The following HEG1 variants were observed in gnomAD, a reference collection of about 807,000 sequenced individuals.
HEG1 encodes the protein heart development protein with EGF like domains 1.
HEG1 carries 56 observed loss-of-function variants against 125.6 expected under a neutral mutation model. The ratio of observed to expected loss-of-function variants is 0.45; its 90% CI spans 0.36 to 0.56. The LOEUF is 0.56. HEG1 is among the 20% of genes least tolerant of loss of function. The pLI, the probability that HEG1 is intolerant of heterozygous loss-of-function variation, is 0.00. For synonymous variants in HEG1, 644 were observed against 668.5 expected (o/e 0.96, Z 0.57); for missense variants, 1,523 against 1,670.0 (o/e 0.91, Z 1.53).
At chr3:125,017,105 A>G (rs190408590) in intron 5 of HEG1, among the ~76,000 whole-genome samples, 74 of 151,856 alleles carry the variant, frequency 4.9e-4, no homozygotes, top group South Asian at 1.0e-3. Flanking sequence ...CCCAGGCTAG[A>G]GTGCAGTGGC....
intron 1 of HEG1, among the ~76,000 whole-genome samples, chr3:125,054,663 A>C (rs937825329): frequency 2.0e-5 from 3 of 152,222 alleles, no homozygotes; most frequent in African/African-American, 7.2e-5. Context: ...GCAAAGGCTA[A>C]CACCACCACG....
At chr3:125,027,725 T>C (rs1159861618) in intron 2 of HEG1, among the ~76,000 whole-genome samples, 1 of 152,158 alleles carries the variant, frequency 6.6e-6, no homozygotes, top group Non-Finnish European at 1.5e-5. Context: ...GGTAAAATTC[T>C]CAGAAAAGGA....
At chr3:125,051,241 G>C (rs780167248) in intron 1 of HEG1, among the ~76,000 whole-genome samples, 2 of 152,132 alleles carry the variant, frequency 1.3e-5, no homozygotes, top group Non-Finnish European at 2.9e-5. Context: ...TTACTCAATA[G>C]GTGTCCTCAT....
intron 1 of HEG1, among the ~76,000 whole-genome samples, chr3:125,046,754 C>T (rs1937677991): frequency 2.0e-5 from 3 of 152,182 alleles, no homozygotes; most frequent in Admixed American, 2.0e-4. Context: ...AGGAGGTTTG[C>T]TGCAAGAAAC....
intron 1 of HEG1, among the ~76,000 whole-genome samples, chr3:125,052,327 A>C (rs1175434965): frequency 6.6e-6 from 1 of 152,144 alleles, no homozygotes; most frequent in Non-Finnish European, 1.5e-5. Flanking sequence ...AGCCAAGCTA[A>C]ATGACGAAGT....
intron 1 of HEG1, among the ~76,000 whole-genome samples, chr3:125,036,761 C>G (rs1381199349): frequency 6.6e-6 from 1 of 152,184 alleles, no homozygotes; most frequent in African/African-American, 2.4e-5. Context: ...AGACCTTTTA[C>G]ATTACTTTTG....
At chr3:125,045,653 A>G (rs1209978507) in intron 1 of HEG1, among the ~76,000 whole-genome samples, 1 of 151,726 alleles carries the variant, frequency 6.6e-6, no homozygotes, top group African/African-American at 2.4e-5. Flanking sequence ...CCTTTCTCCA[A>G]CTCCTCTCCA....
At chr3:124,975,224 T>A (rs534457607) in intron 15 of HEG1, among the ~76,000 whole-genome samples, 57 of 152,324 alleles carry the variant, frequency 3.7e-4, no homozygotes, top group African/African-American at 1.3e-3. Flanking sequence ...ACAGAGGATA[T>A]CTTAAAATGT....
intron 3 of HEG1, among the ~76,000 whole-genome samples, chr3:125,022,280 T>C (rs947652617): frequency 6.6e-6 from 1 of 152,064 alleles, no homozygotes; most frequent in Non-Finnish European, 1.5e-5. Context: ...CTTTGAGCTG[T>C]TAATTATGGC....
intron 1 of HEG1, among the ~76,000 whole-genome samples, chr3:125,046,398 T>TACACACACACACACACACACACAC: frequency 7.1e-6 from 1 of 141,638 alleles, no homozygotes; most frequent in East Asian, 2.1e-4. Context: ...TATATACACA[T>TACACACACACACACACACACACAC]ACACACACAC....
intron 11 of HEG1, among the ~76,000 whole-genome samples, chr3:125,000,506 TAG>T (rs758463124): frequency 6.6e-6 from 1 of 152,060 alleles, no homozygotes; most frequent in Non-Finnish European, 1.5e-5. Flanking sequence ...AGTAAAACCA[TAG>T]AGTCTCAAAG....
intron 14 of HEG1, among the ~76,000 whole-genome samples, chr3:124,986,864 C>T (rs943968052): frequency 6.6e-6 from 1 of 152,170 alleles, no homozygotes; most frequent in Non-Finnish European, 1.5e-5. Flanking sequence ...TAGTCAATGA[C>T]ATAGGGAAAC....
intron 5 of HEG1, among the ~76,000 whole-genome samples, chr3:125,015,993 A>G (rs1401062161): frequency 6.6e-6 from 1 of 152,332 alleles, no homozygotes; most frequent in African/African-American, 2.4e-5. Flanking sequence ...TGAGAAAGCC[A>G]GAAGCCAGAC....
intron 14 of HEG1, among the ~76,000 whole-genome samples, chr3:124,978,341 G>T (rs1285332509): frequency 6.6e-6 from 1 of 152,116 alleles, no homozygotes; most frequent in African/African-American, 2.4e-5. Flanking sequence ...TAGAGACAGG[G>T]TTTCACCGTG....
intron 4 of HEG1, among the ~76,000 whole-genome samples, chr3:125,020,199 G>A (rs985110042): frequency 6.6e-6 from 1 of 152,230 alleles, no homozygotes; most frequent in African/African-American, 2.4e-5. Context: ...GGGCAAGGCA[G>A]GAGGATTGCT....
intron 1 of HEG1, among the ~76,000 whole-genome samples, chr3:125,032,465 TCCAGACAGGCAAGA>T (rs1036474995): frequency 6.6e-6 from 1 of 152,162 alleles, no homozygotes; most frequent in Non-Finnish European, 1.5e-5. Flanking sequence ...GGGGCCCAGT[TCCAGACAGGCAAGA>T]CCCACATGCA....
intron 1 of HEG1, among the ~76,000 whole-genome samples, chr3:125,047,058 C>T: frequency 6.6e-6 from 1 of 152,248 alleles, no homozygotes; most frequent in East Asian, 1.9e-4. Flanking sequence ...TGAAAGTTGG[C>T]TCTTTCCTCT....
chr3:124,992,671 G>A (rs1041215548), intron 12 of HEG1, among the ~76,000 whole-genome samples: 2 of 152,234 alleles, frequency 1.3e-5, no homozygotes, highest in South Asian at 2.1e-4. Context: ...TCCTCATGAC[G>A]ATGTGTTGAA....
At chr3:125,039,723 T>C (rs1215874922) in intron 1 of HEG1, among the ~76,000 whole-genome samples, 1 of 151,840 alleles carries the variant, frequency 6.6e-6, no homozygotes, top group Non-Finnish European at 1.5e-5. Context: ...TAAGTGATTG[T>C]TCCAGGTCAC....
Sources: allele counts gnomAD v4.1 joint callset (sites outside exome capture counted in the v4.1 genomes callset), GRCh38; gene constraint gnomAD v4.1.1; transcripts MANE v1.5; gene names NCBI Gene and HGNC (gene_info 2026-07-23, HGNC 2026-07-21).